Variants in IL1R2 observed in about 807,000 individuals in gnomAD.
The protein encoded by IL1R2 is interleukin-1 receptor type 2.
In IL1R2, 46 loss-of-function variants were observed where a neutral mutation model predicts 39.5. That is an observed-to-expected ratio of 1.16 (90% CI 0.92 to 1.49). The LOEUF (loss-of-function observed/expected upper bound fraction) is 1.49. IL1R2 is among the 40% of genes most tolerant of loss of function. The pLI, the probability that IL1R2 is intolerant of heterozygous loss-of-function variation, is 0.00. For synonymous variants in IL1R2, 207 were observed against 189.6 expected, an observed-to-expected ratio of 1.09 and a Z score of -0.75; for missense variants, 537 against 502.0, an observed-to-expected ratio of 1.07 and a Z score of -0.67.
At chr2:102,015,208 G>A (rs1363100293) in intron 3 of IL1R2, among the ~76,000 whole-genome samples, 1 of 152,162 alleles carries the variant, frequency 6.6e-6, no homozygotes, top group Non-Finnish European at 1.5e-5. Context: ...GAGTATGCGG[G>A]GGCTGGGCTC....
intron 3 of IL1R2, among the ~76,000 whole-genome samples, chr2:102,015,505 C>T (rs926503578): frequency 3.3e-5 from 5 of 152,196 alleles, no homozygotes; most frequent in African/African-American, 9.7e-5. Flanking sequence ...TACCACTTAA[C>T]ACTTAACTTA....
chr2:102,006,524 A>G (rs1676271301), intron 1 of IL1R2, among the ~76,000 whole-genome samples: 1 of 152,132 alleles, frequency 6.6e-6, no homozygotes, highest in Non-Finnish European at 1.5e-5. Context: ...TCAATGCCGC[A>G]ATGCCGCCCT....
intron 1 of IL1R2, among the ~76,000 whole-genome samples, chr2:101,999,286 A>C (rs998441931): frequency 2.6e-5 from 4 of 152,348 alleles, no homozygotes; most frequent in Admixed American, 2.0e-4. Flanking sequence ...TCAGATTATA[A>C]GACAGAAAGC....
chr2:102,027,332 G>T (rs1677800982), intron 8 of IL1R2, among the ~76,000 whole-genome samples: 1 of 152,160 alleles, frequency 6.6e-6, no homozygotes, highest in African/African-American at 2.4e-5. Context: ...TTCCCTCTCG[G>T]GGTCAGATTA....
At chr2:102,007,976 T>C (rs1349992934) in intron 1 of IL1R2, among the ~76,000 whole-genome samples, 1 of 152,146 alleles carries the variant, frequency 6.6e-6, no homozygotes, top group Non-Finnish European at 1.5e-5. Flanking sequence ...CAGAGTGAAT[T>C]GGGGGTCCCA....
chr2:102,008,154 C>G (rs974110053), intron 1 of IL1R2, among the ~76,000 whole-genome samples: 1 of 152,104 alleles, frequency 6.6e-6, no homozygotes, highest in Admixed American at 6.5e-5. Context: ...AGGGAGACCT[C>G]ACGAAGAAAG....
chr2:102,021,309 T>C (rs1677379378), intron 5 of IL1R2, among the ~76,000 whole-genome samples: 1 of 150,236 alleles, frequency 6.7e-6, no homozygotes. Context: ...TCTTTTCTTT[T>C]TTTTTTTTTT....
chr2:101,997,144 C>T (rs1675630611), intron 1 of IL1R2, among the ~76,000 whole-genome samples: 1 of 152,152 alleles, frequency 6.6e-6, no homozygotes, highest in Non-Finnish European at 1.5e-5. Context: ...TGGAGATGTC[C>T]CTGGACCTTC....
chr2:101,993,084 C>T (rs1675426490), intron 1 of IL1R2, among the ~76,000 whole-genome samples: 1 of 152,006 alleles, frequency 6.6e-6, no homozygotes, highest in South Asian at 2.1e-4. Context: ...TGAGGCTGCA[C>T]GTGGGATGTG....
chr2:102,019,155 A>G (rs535855372), intron 4 of IL1R2, among the ~76,000 whole-genome samples: 2 of 152,246 alleles, frequency 1.3e-5, no homozygotes, highest in African/African-American at 4.8e-5. Context: ...CGTTTCCCCT[A>G]TTTAGTTTTT....
chr2:101,996,480 T>C (rs2150417453), intron 1 of IL1R2, among the ~76,000 whole-genome samples: 1 of 120,846 alleles, frequency 8.3e-6, no homozygotes, highest in South Asian at 2.8e-4. Context: ...CTGGGTGTTT[T>C]CAGTGTTTTT....
chr2:102,022,142 T>A, intron 5 of IL1R2, 45 bp from the exon 6 acceptor site: 1 of 1,513,222 alleles, frequency 6.6e-7, no homozygotes, highest in South Asian at 1.1e-5. Context: ...CAGCGTCAAA[T>A]GAAGGCTTTC....
chr2:101,998,860 CAA>C (rs1353861828), intron 1 of IL1R2: 2 of 152,162 alleles, frequency 1.3e-5, no homozygotes, highest in African/African-American at 2.4e-5. Context: ...TGATCTAGCT[CAA>C]GAGTTCACAC....
At chr2:101,997,190 C>T (rs28595151) in intron 1 of IL1R2, among the ~76,000 whole-genome samples, 14,870 of 152,188 alleles carry the variant, frequency 0.098, 972 homozygotes, top group South Asian at 0.26. Flanking sequence ...CTACTGCTGG[C>T]GTCTGTGACT....
chr2:102,003,917 G>T (rs1279243810), intron 1 of IL1R2, among the ~76,000 whole-genome samples: 1 of 151,846 alleles, frequency 6.6e-6, no homozygotes, highest in Non-Finnish European at 1.5e-5. Flanking sequence ...CTGTGTCTAT[G>T]TGTATGTCTA....
chr2:102,017,508 G>A (rs1368669448), intron 4 of IL1R2, among the ~76,000 whole-genome samples: 4 of 151,806 alleles, frequency 2.6e-5, no homozygotes, highest in Non-Finnish European at 5.9e-5. Context: ...TGTGCTCATT[G>A]CTCCTAGTGA....
At chr2:102,010,172 C>T (rs1676533188) in intron 3 of IL1R2, 2 of 260,934 alleles carry the variant, frequency 7.7e-6, no homozygotes, top group South Asian at 1.1e-4. Context: ...TTTGTCTACC[C>T]ATTAGAATGT....
At chr2:102,018,440 C>T (rs967011273) in intron 4 of IL1R2, among the ~76,000 whole-genome samples, 2 of 152,184 alleles carry the variant, frequency 1.3e-5, no homozygotes, top group South Asian at 4.1e-4. Context: ...TAACTTTCAC[C>T]ACCTGGGATT....
At chr2:102,006,491 T>A (rs547137612) in intron 1 of IL1R2, among the ~76,000 whole-genome samples, 1 of 152,264 alleles carries the variant, frequency 6.6e-6, no homozygotes, top group African/African-American at 2.4e-5. Context: ...AGGGAGGGTT[T>A]CTGGAGTGCG....
Sources: gnomAD v4.1 joint callset for allele counts (sites outside exome capture counted in the v4.1 genomes callset) on GRCh38, gnomAD v4.1.1 for gene constraint, MANE v1.5 for transcripts, NCBI Gene and HGNC (gene_info 2026-07-23, HGNC 2026-07-21) for gene names.